Variants in RP1L1 observed in about 807,000 individuals in gnomAD.
The protein encoded by RP1L1 is retinitis pigmentosa 1-like 1 protein.
Under a neutral mutation model 15.7 loss-of-function variants are expected in RP1L1, and 27 were observed. That is an observed-to-expected ratio of 1.72 (90% CI 1.27 to 2.38). RP1L1 has a LOEUF of 2.38. RP1L1 is among the 30% of genes most tolerant of loss of function. RP1L1 has a pLI of 0.00. For synonymous variants in RP1L1, 1,813 were observed against 1,276.7 expected (o/e 1.42, Z -8.96); for missense variants, 4,798 against 3,075.9 (o/e 1.56, Z -13.24).
At chr8:10,648,342 G>GT (rs535975805) in intron 1 of RP1L1, among the ~76,000 whole-genome samples, 92 of 152,042 alleles carry the variant, frequency 6.1e-4, no homozygotes, top group East Asian at 3.3e-3. Flanking sequence ...AATTTTCTGG[G>GT]TTTTTTTGTT....
chr8:10,610,833 G>T lies in RP1L1; in HGVS notation c.3265C>A (p.Leu1089Met). ...GGCCGGCCCTGCTTGGAGCCCATCA[G>T]CGCCCTCATGATCTGCGTGGAGGCA... ...VSASTQIMRA[L>M]MGSKQGRPSS... is the part of the protein sequence containing the mutation. The change falls in exon 4 of 4, where the codon CTG becomes ATG. Residue 1089 changes from leucine to methionine, a missense_variant. Leu to Met is a conservative substitution (Grantham distance 15). Coordinates refer to ENST00000382483, the MANE Select transcript of RP1L1 (RefSeq NM_178857.6). 1 of 1,607,758 alleles carries T rather than the reference G, an allele frequency of 6.2e-7. No individual in the cohort carries two copies. The highest frequency in any genetic ancestry group is 8.5e-7 in the Non-Finnish European group (1 of 1,176,318).
chr8:10,609,030 G>GC lies in RP1L1; in HGVS notation c.5067dup (p.Gln1690AlafsTer13). On this transcript the variant is annotated frameshift_variant, in exon 4 of 4. Transcript: ENST00000382483. LOFTEE classifies it low-confidence loss of function (END_TRUNC). ...CCCCTCTTCCTCTGCAGAATCTGCTGCAGGTCAAAGGCCTCTTTGATGGGA... is the reference window on the plus strand; with the variant it reads ...CCCCTCTTCCTCTGCAGAATCTGCTGCCAGGTCAAAGGCCTCTTTGATGGGA... 1 of 1,613,600 alleles carries GC rather than the reference G, an allele frequency of 6.2e-7. No homozygotes were observed. The highest frequency in any genetic ancestry group is 8.5e-7 in the Non-Finnish European group (1 of 1,179,572).
rs758320953 is a variant in RP1L1, at chr8:10,622,937, T to C, written c.265A>G (p.Ser89Gly). 4 of 1,613,898 alleles carry C rather than the reference T, an allele frequency of 2.5e-6. No homozygotes were observed. The highest frequency in any genetic ancestry group is 3.3e-5 in the Admixed American group (2 of 59,998). Residue 89 changes from serine (S) to glycine (G), a missense_variant, in exon 2 of 4, where the codon AGC becomes GGC. Ser to Gly is a moderately conservative substitution (Grantham distance 56). Transcript: ENST00000382483. ...RSVTTPRGLH[S>G]LSALEQLEDG... ...TCCAGCTGCTCCAGGGCGCTGAGGCTATGCAGGCCCCGGGGTGTGGTGACA... is the reference window on the plus strand; with the variant it reads ...TCCAGCTGCTCCAGGGCGCTGAGGCCATGCAGGCCCCGGGGTGTGGTGACA...
chr8:10,622,984 G>C lies in RP1L1; in HGVS notation c.218C>G (p.Pro73Arg). ...GACAGAGCGCACCCCAAAGGAGAGA[G>C]GCACGCGCTGGGAGAGCTCGTCCAT... ...ALMDELSQRV[P>R]LSFGVRSVTT... Residue 73 changes from proline (P) to arginine (R), a missense_variant, in exon 2 of 4, where the codon CCT becomes CGT. Physicochemically the swap from Pro to Arg is moderately radical, Grantham distance 103. Coordinates refer to ENST00000382483, the MANE Select transcript of RP1L1 (RefSeq NM_178857.6). The C allele has an allele frequency of 3.7e-6, 6 of 1,614,178 alleles. No homozygotes were observed. Among genetic ancestry groups the C allele is most frequent in the Non-Finnish European group, 5.1e-6 (6 of 1,180,038 alleles).
At position 10,608,673 on chromosome 8, in the gene RP1L1, C is replaced by T; in HGVS notation, c.5425G>A (p.Gly1809Arg). 1 of 1,614,206 alleles carries T rather than the reference C, an allele frequency of 6.2e-7. No homozygotes were observed. The highest frequency in any genetic ancestry group is 8.5e-7 in the Non-Finnish European group (1 of 1,180,044). The change falls in exon 4 of 4, where the codon GGG becomes AGG. Residue 1809 changes from glycine (G) to arginine (R), a missense_variant. Physicochemically the swap from Gly to Arg is moderately radical, Grantham distance 125 (BLOSUM62 -2). Transcript: ENST00000382483. ...TCACCCTGCAAGTTGTCCTCATGCC[C>T]AGAGCCTTGACCCCCAGTTTCTCCC... ...ERGETGGQGS[G>R]HEDNLQGEAA...
intron 1 of RP1L1, among the ~76,000 whole-genome samples, chr8:10,650,717 G>C (rs568311295): frequency 6.6e-6 from 1 of 151,930 alleles, no homozygotes; most frequent in East Asian, 1.9e-4. Context: ...GTGTGCCACC[G>C]CAACTGGCTA....
rs1563126064 is a variant in RP1L1, at chr8:10,613,084, TAGGAGCGTGTCCTCGCCGACC to T, written c.993_1013del (p.Val332_Leu338del). ...TGGCCCTGCCCATCCTCCGGGACCA[TAGGAGCGTGTCCTCGCCGACC>T]AGGTGGAAGCGGACTTTCATCTCCA... On this transcript the variant is annotated inframe_deletion, in exon 4 of 4. Transcript: ENST00000382483. 1 of 1,613,794 alleles carries T rather than the reference TAGGAGCGTGTCCTCGCCGACC, an allele frequency of 6.2e-7. No individual in the cohort carries two copies. The highest frequency in any genetic ancestry group is 1.7e-5 in the Admixed American group (1 of 60,030).
chr8:10,608,571 C>T lies in RP1L1; in HGVS notation c.5527G>A (p.Glu1843Lys), dbSNP rs754048583. The change falls in exon 4 of 4, where the codon GAG becomes AAG. Residue 1843 changes from glutamate (E) to lysine (K), a missense_variant. By Grantham distance (56) the Glu-to-Lys change is moderately conservative. Coordinates refer to ENST00000382483, the MANE Select transcript of RP1L1 (RefSeq NM_178857.6). The stretch of plus-strand genomic sequence containing the variant: ...ACACCTTCTGACTCTGGCTGGGCCT[C>T]CCCTTCAGCCTCCGGGGCCTCTATG... ...EGIEAPEAEGEAQPESEGVEA... is the reference protein window; with the variant it reads ...EGIEAPEAEGKAQPESEGVEA... 5.0e-6 allele frequency: 8 copies of T among 1,611,242 alleles called. No individual in the cohort carries two copies. The highest frequency in any genetic ancestry group is 5.9e-6 in the Non-Finnish European group (7 of 1,177,936).
intron 1 of RP1L1, among the ~76,000 whole-genome samples, chr8:10,642,445 G>A (rs1293166617): frequency 1.3e-5 from 2 of 152,166 alleles, no homozygotes; most frequent in African/African-American, 4.8e-5. Context: ...GCTTCTTCCA[G>A]ATGCCTGGAA....
At chr8:10,615,669 C>T (rs755422056) in intron 3 of RP1L1, among the ~76,000 whole-genome samples, 6 of 151,204 alleles carry the variant, frequency 4.0e-5, no homozygotes, top group Non-Finnish European at 7.4e-5. Flanking sequence ...GCTGGGACCA[C>T]GGGTATGCGC....
At chr8:10,642,744 G>A (rs903484826) in intron 1 of RP1L1, among the ~76,000 whole-genome samples, 1 of 152,174 alleles carries the variant, frequency 6.6e-6, no homozygotes, top group Non-Finnish European at 1.5e-5. Context: ...GTTGGCCTGG[G>A]TTTTGGTTGT....
At position 10,610,465 on chromosome 8, in the gene RP1L1, C is replaced by T; in HGVS notation, c.3633G>A (p.Gly1211=). ...CCATGGCACAGGGTACGCTACTCTC[C>T]CCTGAGCCTCCAGAGCCGCTGCTGA... The part of the protein sequence containing the change: ...VDISSGSGGS[G]ESSVPCAMDG... The change falls in exon 4 of 4, where the codon GGG becomes GGA. Residue 1211 remains glycine (G), a synonymous_variant. Transcript: ENST00000382483. The T allele has an allele frequency of 6.2e-7, 1 of 1,613,798 alleles. No individual in the cohort carries two copies. The highest frequency in any genetic ancestry group is 8.5e-7 in the Non-Finnish European group (1 of 1,180,018).
Position 10,610,015 on chromosome 8 carries a change from T to C in RP1L1, c.4083A>G (p.Glu1361=), listed in dbSNP as rs1585963183. 6.3e-7 allele frequency: 1 copy of C among 1,580,684 alleles called. No individual in the cohort carries two copies. Among genetic ancestry groups the C allele is most frequent in the Non-Finnish European group, 8.6e-7 (1 of 1,161,758 alleles). The change falls in exon 4 of 4, where the codon GAA becomes GAG. Residue 1361 remains glutamate, a synonymous_variant. Transcript: ENST00000382483. ...CTTCTTGCAGCCCTTCTCCTCCTGT[T>C]TCTTCAATTTCCTCTAACTGCGCCT... The part of the protein sequence containing the change: ...EEEAQLEEIE[E]TGGEGLQEEG...
intron 3 of RP1L1, among the ~76,000 whole-genome samples, chr8:10,615,974 G>A (rs1248918615): frequency 2.0e-5 from 3 of 152,008 alleles, no homozygotes; most frequent in African/African-American, 4.8e-5. Flanking sequence ...GTGCGATCAC[G>A]GCTCACTGCA....
chr8:10,631,951 A>T (rs2117243471), intron 1 of RP1L1, among the ~76,000 whole-genome samples: 1 of 152,320 alleles, frequency 6.6e-6, no homozygotes, highest in East Asian at 1.9e-4. Context: ...TTTCTCTGAC[A>T]CTTGCGGTGG....
At chr8:10,622,526 C>T (rs1326590114) in intron 2 of RP1L1, 67 bp downstream of exon 2, 10 of 1,602,524 alleles carry the variant, frequency 6.2e-6, no homozygotes, top group Non-Finnish European at 7.7e-6. Flanking sequence ...CTCTCTCTTC[C>T]ATGTGAGTAT....
chr8:10,612,574 A>G lies in RP1L1; in HGVS notation c.1524T>C (p.Asp508=), dbSNP rs1388235267. 2 of 1,606,272 alleles carry G rather than the reference A, an allele frequency of 1.2e-6. No individual in the cohort carries two copies. Among genetic ancestry groups the G allele is most frequent in the South Asian group, 2.2e-5 (2 of 91,066 alleles). Residue 508 remains aspartate, a synonymous_variant, in exon 4 of 4, where the codon GAT becomes GAC. Coordinates refer to ENST00000382483, the MANE Select transcript of RP1L1 (RefSeq NM_178857.6). ...SLGEDPGLCI[D]GAGLGGPEQG... ...GCTCTGGGCCGCCCAGCCCTGCTCC[A>G]TCTATGCATAGGCCGGGGTCCTCAC... is the stretch of plus-strand genomic sequence containing the variant.
In RP1L1 at chr8:10,611,568, C is replaced by A; in HGVS notation, c.2530G>T (p.Glu844Ter). 1 of 1,606,108 alleles carries A rather than the reference C, an allele frequency of 6.2e-7. No homozygotes were observed. The highest frequency in any genetic ancestry group is 8.5e-7 in the Non-Finnish European group (1 of 1,176,616). Residue 844 changes from glutamate (E) to a stop codon, truncating the protein, a stop_gained, in exon 4 of 4, where the codon GAG becomes TAG. Coordinates refer to ENST00000382483, the MANE Select transcript of RP1L1 (RefSeq NM_178857.6). LOFTEE classifies it low-confidence loss of function (END_TRUNC). ...TACCTGCCACACAGCCAGCTAGCCT[C>A]AGGGGAGGGTCCCCGCTGGGCCTCT... is the stretch of plus-strand genomic sequence containing the variant. ...AQEAQRGPSPEASWLCGRYCP... is the reference protein window; with the variant it reads ...AQEAQRGPSP
intron 2 of RP1L1, chr8:10,621,400 A>C: frequency 3.8e-6 from 1 of 266,276 alleles, no homozygotes; most frequent in Non-Finnish European, 7.4e-6. Flanking sequence ...ATCTTGGCTC[A>C]CTGCAGCCTC....
Sources: allele counts gnomAD v4.1 joint callset (sites outside exome capture counted in the v4.1 genomes callset), GRCh38; gene constraint gnomAD v4.1.1; transcripts MANE v1.5; gene names NCBI Gene and HGNC (gene_info 2026-07-23, HGNC 2026-07-21).